ADCK2: variants seen among roughly 807,000 people sequenced by gnomAD.
ADCK2 encodes uncharacterized aarF domain-containing protein kinase 2.
Under a neutral mutation model 52.3 loss-of-function variants are expected in ADCK2, and 37 were observed. That is an observed-to-expected ratio of 0.71 (90% confidence interval 0.54 to 0.93). The LOEUF is 0.93. Ranked by LOEUF, ADCK2 falls within the 40% of genes least tolerant of loss-of-function variation. The probability of loss-of-function intolerance (pLI) is 0.00; values close to 1 mark genes in which losing one functional copy is unlikely to be tolerated. For missense variants in ADCK2, 695 were observed against 798.7 expected (o/e 0.87, Z 1.56); for synonymous variants, 321 against 349.2 (o/e 0.92, Z 0.90).
At chr7:140,688,948 G>GT (rs995857074) in intron 5 of ADCK2, among the ~76,000 whole-genome samples, 6 of 151,626 alleles carry the variant, frequency 4.0e-5, no homozygotes, top group Non-Finnish European at 5.9e-5. Context: ...AAAGAGAACT[G>GT]TTTTTTTTAA....
At chr7:140,682,468 G>A (rs1794533154) in intron 4 of ADCK2, among the ~76,000 whole-genome samples, 1 of 152,158 alleles carries the variant, frequency 6.6e-6, no homozygotes, top group South Asian at 2.1e-4. Context: ...TGCTGAGGCT[G>A]AGGAGGTGAG....
In ADCK2 at chr7:140,679,189, A is replaced by C. The variant is rs1328192121; in HGVS notation, c.1115A>C (p.His372Pro). ...DLRYEAQNLE[H>P]FQVNFRNVKA... ...CGTTACGAAGCTCAGAATCTAGAAC[A>C]CTTCCAGGTCAACTTCCGGAATGTG... The change falls in exon 3 of 8, where the codon CAC becomes CCC. Residue 372 changes from histidine (H) to proline (P), a missense_variant. By Grantham distance (77) the His-to-Pro change is moderately conservative (BLOSUM62 -2). Transcript: ENST00000072869. 6.2e-7 allele frequency: 1 copy of C among 1,613,776 alleles called. No individual in the cohort carries two copies. Among genetic ancestry groups the C allele is most frequent in the East Asian group, 2.2e-5 (1 of 44,888 alleles).
chr7:140,688,207 C>A (rs1794641347), intron 5 of ADCK2, among the ~76,000 whole-genome samples: 1 of 152,116 alleles, frequency 6.6e-6, no homozygotes, highest in Non-Finnish European at 1.5e-5. Context: ...CCATGCCCGG[C>A]CACTTTTTGT....
chr7:140,679,391 CTG>C, intron 3 of ADCK2, 108 bp downstream of exon 3: 1 of 1,483,598 alleles, frequency 6.7e-7, no homozygotes, highest in Non-Finnish European at 9.2e-7. Context: ...GGATTTGTGT[CTG>C]TAAAACTGTG....
rs941702313 is a variant in ADCK2 at position 140,687,084 on chromosome 7, T to C, written c.1400T>C (p.Leu467Pro). ...CTGTCCTCGAGTCAGGAGGCGCAGC[T>C]GCAGCAGGCGGACATCTGTGACACT... ...NGLSSSQEAQLQQADICDTLV... is the reference protein window; with the variant it reads ...NGLSSSQEAQPQQADICDTLV... Residue 467 changes from leucine to proline, a missense_variant, in exon 5 of 8, where the codon CTG (leucine) becomes CCG (proline). Leu to Pro is a moderately conservative substitution (Grantham distance 98, BLOSUM62 -3). Transcript: ENST00000072869. The C allele has an allele frequency of 1.9e-6, 3 of 1,614,042 alleles. No individual in the cohort carries two copies. Among genetic ancestry groups the C allele is most frequent in the Non-Finnish European group, 2.5e-6 (3 of 1,180,042 alleles).
intron 4 of ADCK2, among the ~76,000 whole-genome samples, chr7:140,686,261 AT>A (rs1794602915): frequency 6.6e-6 from 1 of 152,060 alleles, no homozygotes; most frequent in African/African-American, 2.4e-5. Context: ...TAGACTTTTT[AT>A]TTTATTTATT....
At position 140,687,750 on chromosome 7, in the gene ADCK2, C is replaced by T. The variant is rs576751899; in HGVS notation, c.1557+509C>T. Among the ~76,000 whole-genome samples, 6 of 149,514 alleles carry T rather than the reference C, an allele frequency of 4.0e-5. No homozygotes were observed. In the South Asian group the frequency reaches 1.3e-3, roughly 32 times the overall value. Reference sequence around the variant, plus strand: ...AGAAAAAGCCAGGCTTGGTGGTGTGCGCCTGTGGTCCCAGCTACTTGGGAG... The same window carrying T: ...AGAAAAAGCCAGGCTTGGTGGTGTGTGCCTGTGGTCCCAGCTACTTGGGAG... On this transcript the variant is annotated intron_variant, in intron 5 of 7. Coordinates refer to ENST00000072869, the MANE Select transcript of ADCK2 (RefSeq NM_052853.4).
At chr7:140,676,025 A>T (rs1011555809) in intron 2 of ADCK2, among the ~76,000 whole-genome samples, 4 of 152,242 alleles carry the variant, frequency 2.6e-5, no homozygotes, top group Admixed American at 2.6e-4. Context: ...CTAGGGATTC[A>T]TTCCAATGTT....
intron 4 of ADCK2, among the ~76,000 whole-genome samples, chr7:140,683,395 G>C (rs1353103063): frequency 2.0e-5 from 3 of 152,178 alleles, no homozygotes; most frequent in Non-Finnish European, 4.4e-5. Flanking sequence ...GGGAGGGTGA[G>C]ACGAGAGGCA....
chr7:140,694,554 C>T (rs545670099), intron 7 of ADCK2, 109 bp from the exon 8 acceptor site: 8 of 1,037,816 alleles, frequency 7.7e-6, no homozygotes, highest in Admixed American at 6.5e-5. Flanking sequence ...GTAAACATCC[C>T]GTGGGCAGGT....
chr7:140,683,161 C>T (rs1184656426), intron 4 of ADCK2, among the ~76,000 whole-genome samples: 17 of 151,866 alleles, frequency 1.1e-4, no homozygotes, highest in Non-Finnish European at 1.3e-4. Context: ...ATTAGCCAGA[C>T]GTGGTGGTGC....
intron 3 of ADCK2, among the ~76,000 whole-genome samples, chr7:140,679,612 G>A (rs1794480829): frequency 6.8e-6 from 1 of 146,212 alleles, no homozygotes; most frequent in African/African-American, 2.5e-5. Flanking sequence ...ACAACCTTGT[G>A]TCATCTCACT....
chr7:140,676,374 C>T (rs1449813881), intron 2 of ADCK2, among the ~76,000 whole-genome samples: 1 of 152,156 alleles, frequency 6.6e-6, no homozygotes, highest in African/African-American at 2.4e-5. Flanking sequence ...TGGGGGGACA[C>T]AAACATTCAT....
intron 5 of ADCK2, among the ~76,000 whole-genome samples, chr7:140,687,485 C>T (rs538550183): frequency 3.9e-5 from 6 of 152,100 alleles, no homozygotes; most frequent in East Asian, 1.9e-4. Context: ...GAGGCCAAGG[C>T]GGGTGGATCA....
rs543865319 is a variant in ADCK2, at chr7:140,687,751, G to A, written c.1557+510G>A. ...GAAAAAGCCAGGCTTGGTGGTGTGC[G>A]CCTGTGGTCCCAGCTACTTGGGAGG... On this transcript the variant is annotated intron_variant, in intron 5 of 7. Transcript: ENST00000072869. Among the ~76,000 whole-genome samples, 18 of 151,534 alleles carry A rather than the reference G, an allele frequency of 1.2e-4. No individual in the cohort carries two copies. In the South Asian group the frequency reaches 1.7e-3, roughly 14 times the overall value.
Position 140,679,020 on chromosome 7 carries a change from T to C in ADCK2, c.1081-135T>C. 1.5e-5 allele frequency: 17 copies of C among 1,171,170 alleles called. 1 individual carries two copies. In the South Asian group the frequency reaches 2.3e-4, roughly 16 times the overall value. 72.5% of individuals were successfully genotyped at this position (1,171,170 alleles called of 1,614,324 possible). A position where few individuals can be genotyped will look rare whatever the true frequency, so the allele number is the denominator to read the frequency against. ...GCCCACGGATGTCGCCTCCTGAGTT[T>C]CTGGGCAAGTTCTGCGGGGCAAGCT... is the stretch of plus-strand genomic sequence containing the variant. On this transcript the variant is annotated intron_variant, in intron 2 of 7. Transcript: ENST00000072869.
chr7:140,686,317 G>C (rs562496181), intron 4 of ADCK2, among the ~76,000 whole-genome samples: 1 of 152,002 alleles, frequency 6.6e-6, no homozygotes, highest in Non-Finnish European at 1.5e-5. Flanking sequence ...GTCTCGCTCC[G>C]TCGCCCAGAC....
At chr7:140,677,992 G>A (rs149183974) in intron 2 of ADCK2, among the ~76,000 whole-genome samples, 2 of 152,308 alleles carry the variant, frequency 1.3e-5, no homozygotes, top group East Asian at 3.9e-4. Context: ...GATGGACCTG[G>A]ACAGAGAAGT....
chr7:140,692,270 T>A (rs1006782571), intron 7 of ADCK2, among the ~76,000 whole-genome samples: 4 of 152,216 alleles, frequency 2.6e-5, no homozygotes, highest in African/African-American at 9.6e-5. Flanking sequence ...ATATTTCATA[T>A]AAGTGGAATT....
Sources: gnomAD v4.1 joint callset for allele counts (sites outside exome capture counted in the v4.1 genomes callset) on GRCh38, gnomAD v4.1.1 for gene constraint, MANE v1.5 for transcripts, NCBI Gene and HGNC (gene_info 2026-07-23, HGNC 2026-07-21) for gene names.